Variants in MTOR observed in about 807,000 individuals in gnomAD.
The protein encoded by MTOR is serine/threonine-protein kinase mTOR.
Under a neutral mutation model 319.8 loss-of-function variants are expected in MTOR, and 70 were observed. The observed-to-expected ratio is 0.22, with a 90% CI of 0.18 to 0.27. The LOEUF is 0.27. Ranked by LOEUF, MTOR falls within the 10% of genes least tolerant of loss-of-function variation. The probability of loss-of-function intolerance (pLI) is 1.00; values close to 1 mark genes in which losing one functional copy is unlikely to be tolerated. For synonymous variants in MTOR, 1,183 were observed against 1,211.4 expected, an observed-to-expected ratio of 0.98 and a Z score of 0.49; for missense variants, 1,890 against 3,274.4, an observed-to-expected ratio of 0.58 and a Z score of 10.32.
intron 28 of MTOR, among the ~76,000 whole-genome samples, chr1:11,188,054 C>A (rs527504823): frequency 6.6e-6 from 1 of 152,282 alleles, no homozygotes; most frequent in East Asian, 1.9e-4. Flanking sequence ...GAAGCCCTGA[C>A]TGGAAAAGAG....
In MTOR at chr1:11,260,804, T is replaced by G. The variant is rs1339537686; in HGVS notation, c.-14-1381A>C. Among the ~76,000 whole-genome samples the G allele has an allele frequency of 2.0e-5, 3 of 151,324 alleles. No homozygotes were observed. The East Asian group carries it at 5.8e-4, about 29-fold the overall frequency. ...TTGGACTAGTCATTTTTTTTTTTTT[T>G]TTTGAGACAGAGTCTCGCTCTGTCA... On this transcript the variant is annotated intron_variant, in intron 1 of 57. Transcript: ENST00000361445.
chr1:11,172,284 G>A (rs1035633889), intron 28 of MTOR, among the ~76,000 whole-genome samples: 2 of 152,078 alleles, frequency 1.3e-5, no homozygotes, highest in African/African-American at 4.8e-5. Flanking sequence ...TTGGCTGGGC[G>A]CGGTGGCTCA....
At chr1:11,208,434 A>G (rs1225191248) in intron 25 of MTOR, among the ~76,000 whole-genome samples, 3 of 152,250 alleles carry the variant, frequency 2.0e-5, no homozygotes, top group Admixed American at 6.5e-5. Context: ...TCAAATCTTT[A>G]TGGGTTTTTC....
chr1:11,118,233 T>A (rs1055661869), intron 49 of MTOR, among the ~76,000 whole-genome samples: 2 of 107,096 alleles, frequency 1.9e-5, no homozygotes, highest in African/African-American at 8.6e-5. Flanking sequence ...AGTTAATTTT[T>A]TTTTTTTTTT....
At chr1:11,206,012 T>C (rs1646125987) in intron 25 of MTOR, among the ~76,000 whole-genome samples, 1 of 152,190 alleles carries the variant, frequency 6.6e-6, no homozygotes, top group Non-Finnish European at 1.5e-5. Context: ...AGACAACCTA[T>C]CACTTTATGT....
At chr1:11,117,170 T>A in intron 49 of MTOR, 84 bp from the exon 50 acceptor site, 1 of 1,178,850 alleles carries the variant, frequency 8.5e-7, no homozygotes, top group Non-Finnish European at 1.2e-6. Flanking sequence ...GTCTTTGGTT[T>A]GTACTTTTGA....
At chr1:11,198,934 T>G (rs2100742645) in intron 28 of MTOR, among the ~76,000 whole-genome samples, 1 of 152,336 alleles carries the variant, frequency 6.6e-6, no homozygotes, top group Admixed American at 6.5e-5. Context: ...TAGACAGCGC[T>G]ATCTAACCCA....
At chr1:11,231,204 G>A (rs1647004424) in intron 17 of MTOR, 96 bp downstream of exon 17, 4 of 1,585,790 alleles carry the variant, frequency 2.5e-6, no homozygotes, top group South Asian at 1.2e-5. Context: ...CAGGAAGTCT[G>A]ACTGACACTG....
chr1:11,197,324 T>C (rs1645820425), intron 28 of MTOR, among the ~76,000 whole-genome samples: 1 of 152,146 alleles, frequency 6.6e-6, no homozygotes. Flanking sequence ...CTTCCTTCAG[T>C]AAAGACGACA....
At chr1:11,163,935 G>A (rs923656425) in intron 29 of MTOR, among the ~76,000 whole-genome samples, 6 of 152,164 alleles carry the variant, frequency 3.9e-5, no homozygotes, top group Non-Finnish European at 5.9e-5. Flanking sequence ...ACTAAGATCA[G>A]AGCAGAACTG....
intron 47 of MTOR, among the ~76,000 whole-genome samples, chr1:11,124,180 T>C (rs941996398): frequency 2.0e-5 from 3 of 151,900 alleles, no homozygotes; most frequent in African/African-American, 7.3e-5. Context: ...TCCTCCTACC[T>C]TGGCATTACA....
At position 11,240,361 on chromosome 1, in the gene MTOR, G is replaced by A. The variant is rs1647846574; in HGVS notation, c.1728C>T (p.Ala576=). The change falls in exon 11 of 58, where the codon GCC becomes GCT. Residue 576 remains alanine (A), a synonymous_variant. Transcript: ENST00000361445. ...ASPGLTTLPE[A]SDVGSITLAL... ...CAAGAGTGATGCTGCCCACATCGCT[G>A]GCCTCAGGGAGGGTCGTGAGGCCAG... is the stretch of plus-strand genomic sequence containing the variant. 6.2e-7 allele frequency: 1 copy of A among 1,613,142 alleles called. No homozygotes were observed. Among genetic ancestry groups the A allele is most frequent in the East Asian group, 2.2e-5 (1 of 44,862 alleles).
intron 28 of MTOR, chr1:11,192,321 G>A: frequency 6.2e-7 from 1 of 1,614,068 alleles, no homozygotes; most frequent in Non-Finnish European, 8.5e-7. Context: ...CGCATCTCTG[G>A]AGTGTATAAG....
chr1:11,170,320 G>A lies in MTOR; in HGVS notation c.4254-2803C>T, dbSNP rs535178703. On this transcript the variant is annotated intron_variant, in intron 28 of 57. Coordinates refer to ENST00000361445, the MANE Select transcript of MTOR (RefSeq NM_004958.4). The stretch of plus-strand genomic sequence containing the variant: ...CTGGGCTTTGTGCCCAATCACATGG[G>A]GCTGGGTAAACTGTACTAATAATAT... Among the ~76,000 whole-genome samples the A allele has an allele frequency of 2.6e-5, 4 of 151,006 alleles. No individual in the cohort carries two copies. In the East Asian group the frequency reaches 7.7e-4, roughly 29 times the overall value.
intron 53 of MTOR, 112 bp from the exon 54 acceptor site, chr1:11,113,029 A>C (rs984346072): frequency 5.5e-5 from 61 of 1,103,010 alleles, no homozygotes; most frequent in East Asian, 3.6e-4. Flanking sequence ...CTATAGCCCC[A>C]AAAAAAGAGA....
At position 11,126,559 on chromosome 1, in the gene MTOR, G is replaced by GGAA. The variant is rs1026805315; in HGVS notation, c.6526+60_6526+62dup. 2.0e-6 allele frequency: 3 copies of GGAA among 1,537,762 alleles called. No homozygotes were observed. In the African/African-American group the frequency reaches 4.1e-5, roughly 21 times the overall value. On this transcript the variant is annotated intron_variant, in intron 46 of 57. Transcript: ENST00000361445. ...ATGGCAAGCAGTAATTTCAGAAGAG[G>GGAA]GAAGGGGTCTCAGCCAGTGTAGGAG...
intron 19 of MTOR, chr1:11,226,487 G>A (rs1163930706): frequency 2.0e-5 from 3 of 152,150 alleles, no homozygotes; most frequent in Non-Finnish European, 4.4e-5. Context: ...CACTATCACT[G>A]CATCTAATTA....
intron 28 of MTOR, among the ~76,000 whole-genome samples, chr1:11,191,008 G>C (rs1316363183): frequency 6.6e-6 from 1 of 152,204 alleles, no homozygotes; most frequent in Admixed American, 6.5e-5. Context: ...TTTGGGATTA[G>C]AAAGGTATTC....
intron 19 of MTOR, among the ~76,000 whole-genome samples, chr1:11,224,117 T>C (rs2100835825): frequency 1.3e-5 from 2 of 152,056 alleles, no homozygotes; most frequent in African/African-American, 4.8e-5. Flanking sequence ...TCACAATAAA[T>C]GCAATTGGCC....
Sources: gnomAD v4.1 joint callset for allele counts (sites outside exome capture counted in the v4.1 genomes callset) on GRCh38, gnomAD v4.1.1 for gene constraint, MANE v1.5 for transcripts, NCBI Gene and HGNC (gene_info 2026-07-23, HGNC 2026-07-21) for gene names.